AGBL1: variants seen among roughly 807,000 people sequenced by gnomAD.
AGBL1 encodes cytosolic carboxypeptidase 4.
In AGBL1, 130 loss-of-function variants were observed where a neutral mutation model predicts 118.9. The observed-to-expected ratio is 1.09, with a 90% CI of 0.95 to 1.26. The LOEUF is 1.26. Among genes scored for constraint, AGBL1 ranks in the 50% most tolerant of loss-of-function variants. AGBL1 has a pLI of 0.00. For synonymous variants in AGBL1, 555 were observed against 478.9 expected, an observed-to-expected ratio of 1.16 and a Z score of -2.08; for missense variants, 1,584 against 1,298.1, an observed-to-expected ratio of 1.22 and a Z score of -3.38.
chr15:86,887,808 A>G (rs1316526808), intron 22 of AGBL1, among the ~76,000 whole-genome samples: 3 of 152,168 alleles, frequency 2.0e-5, no homozygotes, highest in Non-Finnish European at 2.9e-5. Context: ...CAATTGAATT[A>G]GTATAAATAG....
At chr15:86,827,423 ATATATACACATATATATATGTGTGTG>A (rs2079035633) in intron 22 of AGBL1, among the ~76,000 whole-genome samples, 2 of 9,032 alleles carry the variant, frequency 2.2e-4, no homozygotes, top group African/African-American at 2.1e-3. Flanking sequence ...ATATATATAT[ATATATACACATATATATATGTGTGTG>A]TATATATATA....
chr15:86,717,362 C>A (rs1203960362), intron 22 of AGBL1, among the ~76,000 whole-genome samples: 1 of 151,996 alleles, frequency 6.6e-6, no homozygotes, highest in African/African-American at 2.4e-5. Flanking sequence ...TCTAATTGAC[C>A]TACTAAACCC....
At chr15:86,918,250 TACAG>T (rs1002937997), downstream of AGBL1, among the ~76,000 whole-genome samples, 3 of 152,218 alleles carry the variant, frequency 2.0e-5, no homozygotes, top group Non-Finnish European at 4.4e-5. Flanking sequence ...ATACCCATTT[TACAG>T]ACAAAGAAAC....
intron 24 of AGBL1, among the ~76,000 whole-genome samples, chr15:87,025,915 C>T (rs1014107053): frequency 1.3e-5 from 2 of 151,970 alleles, no homozygotes; most frequent in Non-Finnish European, 2.9e-5. Flanking sequence ...GGAAAGGACA[C>T]CCTTTTCAAC....
rs544566980 is a variant in AGBL1 at position 86,326,568 on chromosome 15, G to GCTTTT, written c.2374+31181_2374+31185dup. Among the ~76,000 whole-genome samples the GCTTTT allele has an allele frequency of 4.3e-3, 657 of 152,190 alleles. 1 individual carries two copies. The highest frequency in any genetic ancestry group is 0.014 in the African/African-American group (575 of 41,510). ...GGTGGGAAACAAGAAAATGTGTATAGCTTTTCTTTTCTTTTCTTTTCTTTT... is the reference window on the plus strand; with the variant it reads ...GGTGGGAAACAAGAAAATGTGTATAGCTTTTCTTTTCTTTTCTTTTCTTTTCTTTT... On this transcript the variant is annotated intron_variant, in intron 17 of 22. Transcript: ENST00000614907.
chr15:86,466,750 C>T lies in AGBL1; in HGVS notation c.2556-56060C>T, dbSNP rs142431062. On this transcript the variant is annotated intron_variant, in intron 18 of 22. Coordinates refer to ENST00000614907, the MANE Select transcript of AGBL1 (RefSeq NM_001386094.1). Reference sequence around the variant, plus strand: ...TTAGTTTGTATTCTAACAGTCAGGCCCTTCTTCTGCAGGTCTGCTGGAGTT... The same window carrying T: ...TTAGTTTGTATTCTAACAGTCAGGCTCTTCTTCTGCAGGTCTGCTGGAGTT... Among the ~76,000 whole-genome samples the T allele has an allele frequency of 1.4e-3, 208 of 152,288 alleles. 1 individual carries two copies. Among genetic ancestry groups the T allele is most frequent in the African/African-American group, 4.8e-3 (200 of 41,566 alleles).
chr15:86,986,970 G>C (rs572736224), intron 23 of AGBL1, among the ~76,000 whole-genome samples: 34 of 151,560 alleles, frequency 2.2e-4, no homozygotes, highest in African/African-American at 6.3e-4. Context: ...ACAGTCAAAG[G>C]GGGGAGTTGT....
At chr15:86,654,139 A>T (rs560023136) in intron 21 of AGBL1, among the ~76,000 whole-genome samples, 1 of 152,224 alleles carries the variant, frequency 6.6e-6, no homozygotes, top group South Asian at 2.1e-4. Flanking sequence ...AGATGTCTCT[A>T]TGGGCCAAGC....
chr15:87,028,422 AC>A (rs2081755567), intron 24 of AGBL1, among the ~76,000 whole-genome samples: 2 of 151,948 alleles, frequency 1.3e-5, no homozygotes, highest in South Asian at 2.1e-4. Context: ...TTCATATAGA[AC>A]TTTTAAAGAT....
chr15:86,188,728 C>G (rs796390158), intron 5 of AGBL1, among the ~76,000 whole-genome samples: 5 of 152,298 alleles, frequency 3.3e-5, no homozygotes, highest in Middle Eastern at 3.4e-3. Context: ...GTGATAGCTT[C>G]TTAGACATGT....
chr15:86,326,137 A>G (rs2080179638), intron 17 of AGBL1, among the ~76,000 whole-genome samples: 1 of 151,626 alleles, frequency 6.6e-6, no homozygotes, highest in African/African-American at 2.4e-5. Flanking sequence ...CAAGTAGTTG[A>G]TTTTTTCACT....
intron 22 of AGBL1, among the ~76,000 whole-genome samples, chr15:86,783,002 A>T (rs1428078427): frequency 1.3e-5 from 2 of 152,156 alleles, no homozygotes; most frequent in Non-Finnish European, 2.9e-5. Context: ...GTGATGTTTC[A>T]TCTCTCCAGT....
intron 17 of AGBL1, among the ~76,000 whole-genome samples, chr15:86,391,057 TA>T (rs1433415424): frequency 4.0e-5 from 6 of 149,862 alleles, no homozygotes; most frequent in Non-Finnish European, 7.4e-5. Flanking sequence ...TGCCAGAGGC[TA>T]GGGGTGGGGT....
chr15:86,891,989 A>C (rs1055817895), intron 22 of AGBL1, among the ~76,000 whole-genome samples: 1 of 152,192 alleles, frequency 6.6e-6, no homozygotes, highest in Non-Finnish European at 1.5e-5. Flanking sequence ...ACTTTTAGCT[A>C]TTGACCATAC....
intron 6 of AGBL1, among the ~76,000 whole-genome samples, chr15:86,247,380 T>C (rs1170327702): frequency 6.6e-6 from 1 of 152,220 alleles, no homozygotes; most frequent in Non-Finnish European, 1.5e-5. Flanking sequence ...TTGGCTTTGC[T>C]GATTTTCTTC....
chr15:86,510,131 AC>A (rs1445460236), intron 18 of AGBL1, among the ~76,000 whole-genome samples: 15 of 152,020 alleles, frequency 9.9e-5, no homozygotes, highest in Non-Finnish European at 2.1e-4. Flanking sequence ...CTATTTAAAG[AC>A]CCAATCAGCA....
chr15:86,680,151 G>A lies in AGBL1; in HGVS notation c.3158+5715G>A, dbSNP rs143170295. Among the ~76,000 whole-genome samples the A allele has an allele frequency of 1.6e-3, 245 of 152,056 alleles. 1 individual carries two copies. The highest frequency in any genetic ancestry group is 5.5e-3 in the African/African-American group (227 of 41,488). On this transcript the variant is annotated intron_variant, in intron 22 of 22. Transcript: ENST00000614907. ...TTTTCCCAAATAAGAATTATCTATG[G>A]CATTTAAATTGTCTTATAATCATAT...
intron 21 of AGBL1, among the ~76,000 whole-genome samples, chr15:86,565,570 C>G (rs2083900637): frequency 1.3e-5 from 2 of 152,260 alleles, no homozygotes; most frequent in African/African-American, 2.4e-5. Context: ...TTAGGCTACT[C>G]AGGGGTCAAG....
intron 19 of AGBL1, among the ~76,000 whole-genome samples, chr15:86,523,273 C>T (rs1290835336): frequency 6.6e-6 from 1 of 152,200 alleles, no homozygotes; most frequent in African/African-American, 2.4e-5. Context: ...CAATCTTTAG[C>T]ATTCCTGGGC....
Sources: gnomAD v4.1 joint callset for allele counts (sites outside exome capture counted in the v4.1 genomes callset) on GRCh38, gnomAD v4.1.1 for gene constraint, MANE v1.5 for transcripts, NCBI Gene and HGNC (gene_info 2026-07-23, HGNC 2026-07-21) for gene names.